GRIN2A: variants seen among roughly 807,000 people sequenced by gnomAD.
GRIN2A encodes glutamate receptor ionotropic, NMDA 2A.
A neutral mutation model predicts 113.4 loss-of-function variants in GRIN2A; 22 were observed. The ratio of observed to expected loss-of-function variants is 0.19; its 90% CI spans 0.14 to 0.28. The LOEUF is 0.28. Ranked by LOEUF, GRIN2A falls within the 10% of genes least tolerant of loss-of-function variation. The pLI is 1.00. For synonymous variants in GRIN2A, 827 were observed against 738.4 expected (o/e 1.12, Z -1.94); for missense variants, 1,502 against 1,887.0 (o/e 0.80, Z 3.78).
At chr16:10,063,078 A>G (rs2047578479) in intron 2 of GRIN2A, among the ~76,000 whole-genome samples, 1 of 152,234 alleles carries the variant, frequency 6.6e-6, no homozygotes, top group African/African-American at 2.4e-5. Flanking sequence ...TTGCCGCAAC[A>G]TGGATGGAGC....
intron 3 of GRIN2A, among the ~76,000 whole-genome samples, chr16:9,928,286 C>T (rs1043058792): frequency 1.3e-5 from 2 of 152,124 alleles, no homozygotes; most frequent in Non-Finnish European, 2.9e-5. Flanking sequence ...CTTGCTCCCA[C>T]CTGGAAGGGA....
At chr16:10,015,252 C>CAAAAAAAAAAAAAAAAAAAAAAAAAA (rs200124835) in intron 2 of GRIN2A, among the ~76,000 whole-genome samples, 11 of 19,302 alleles carry the variant, frequency 5.7e-4, no homozygotes, top group African/African-American at 1.1e-3. Context: ...GACTTCATCT[C>CAAAAAAAAAAAAAAAAAAAAAAAAAA]AAAAAAAAAA....
intron 2 of GRIN2A, among the ~76,000 whole-genome samples, chr16:10,037,733 C>T (rs144561028): frequency 1.8e-4 from 27 of 152,220 alleles, no homozygotes; most frequent in Non-Finnish European, 2.8e-4. Context: ...TCAGGTGATC[C>T]TCCCACCTCA....
intron 2 of GRIN2A, among the ~76,000 whole-genome samples, chr16:9,964,795 T>G (rs1408528505): frequency 1.3e-5 from 2 of 152,166 alleles, no homozygotes; most frequent in Non-Finnish European, 2.9e-5. Context: ...ATCATCCGAA[T>G]CTCAAGGTAC....
At position 9,946,729 on chromosome 16, in the gene GRIN2A, A is replaced by G. The variant is rs112190518; in HGVS notation, c.415-8178T>C. Among the ~76,000 whole-genome samples the G allele has an allele frequency of 8.4e-3, 1,281 of 152,314 alleles. 9 individuals carry two copies. The highest frequency in any genetic ancestry group is 0.03 in the African/African-American group (1,240 of 41,552). ...TTCTGGATTTATGAAGAAAGGGACT[A>G]GGAAAAGACAGCTTCTTTTACTGTT... On this transcript the variant is annotated intron_variant, in intron 2 of 12. Transcript: ENST00000330684.
intron 10 of GRIN2A, 70 bp downstream of exon 10, chr16:9,822,194 T>TA: frequency 6.8e-7 from 1 of 1,479,784 alleles, no homozygotes; most frequent in Non-Finnish European, 9.5e-7. Flanking sequence ...AACTGAGGCA[T>TA]GCCGAGAGTC....
intron 7 of GRIN2A, among the ~76,000 whole-genome samples, chr16:9,836,755 C>G (rs1217296480): frequency 6.6e-6 from 1 of 152,242 alleles, no homozygotes; most frequent in African/African-American, 2.4e-5. Context: ...GTTAAAGCAA[C>G]ATCTATAGTG....
At chr16:9,806,508 T>A (rs2041970525) in intron 10 of GRIN2A, among the ~76,000 whole-genome samples, 1 of 152,016 alleles carries the variant, frequency 6.6e-6, no homozygotes, top group Admixed American at 6.6e-5. Context: ...TGATAATAAA[T>A]CCTGAGTGAT....
intron 2 of GRIN2A, among the ~76,000 whole-genome samples, chr16:10,092,696 G>A (rs8048025): frequency 6.6e-6 from 1 of 152,016 alleles, no homozygotes; most frequent in Non-Finnish European, 1.5e-5. Context: ...GAGCACAGAT[G>A]GGTTAAGTGA....
intron 2 of GRIN2A, among the ~76,000 whole-genome samples, chr16:10,030,714 GA>G (rs1219941206): frequency 6.6e-6 from 1 of 152,094 alleles, no homozygotes; most frequent in Non-Finnish European, 1.5e-5. Context: ...CTTCTTTGCT[GA>G]ATCTCTGCTC....
In GRIN2A at chr16:10,113,467, G is replaced by A. The variant is rs375468639; in HGVS notation, c.414+66531C>T. ...GCTCATGGCCGCCTGCCCATCATTC[G>A]TGACTCACCACCGTCCCCATATACC... On this transcript the variant is annotated intron_variant, in intron 2 of 12. Coordinates refer to ENST00000330684, the MANE Select transcript of GRIN2A (RefSeq NM_001134407.3). 1.6e-4 allele frequency among the ~76,000 whole-genome samples: 24 copies of A among 152,304 alleles called. No individual in the cohort carries two copies. The South Asian group carries it at 4.1e-3, about 26-fold the overall frequency.
chr16:9,775,785 T>A (rs1032718369), intron 11 of GRIN2A, among the ~76,000 whole-genome samples: 1 of 152,240 alleles, frequency 6.6e-6, no homozygotes, highest in African/African-American at 2.4e-5. Flanking sequence ...GTTCTTCAGT[T>A]GTTGCTCATG....
chr16:10,044,758 C>T (rs1319906048), intron 2 of GRIN2A, among the ~76,000 whole-genome samples: 5 of 151,640 alleles, frequency 3.3e-5, no homozygotes, highest in South Asian at 2.1e-4. Flanking sequence ...TCTCATCCCA[C>T]GACATTCCAA....
At chr16:9,896,114 A>G (rs980297313) in intron 3 of GRIN2A, among the ~76,000 whole-genome samples, 4 of 151,940 alleles carry the variant, frequency 2.6e-5, no homozygotes, top group Admixed American at 6.6e-5. Flanking sequence ...CAGTGGTGTA[A>G]TCTCAGCTCA....
chr16:10,004,619 C>CA (rs1217624354), intron 2 of GRIN2A, among the ~76,000 whole-genome samples: 2 of 152,156 alleles, frequency 1.3e-5, no homozygotes, highest in African/African-American at 4.8e-5. Flanking sequence ...ATTGTAATCC[C>CA]AGCATTCCTT....
At chr16:9,966,874 T>G (rs907286001) in intron 2 of GRIN2A, among the ~76,000 whole-genome samples, 1 of 152,178 alleles carries the variant, frequency 6.6e-6, no homozygotes. Flanking sequence ...TCTCAAGTGA[T>G]AGTGATGATG....
At chr16:9,992,774 G>C (rs1314250609) in intron 2 of GRIN2A, among the ~76,000 whole-genome samples, 2 of 152,200 alleles carry the variant, frequency 1.3e-5, no homozygotes, top group African/African-American at 4.8e-5. Context: ...ATCTGACACA[G>C]AGAGACAATA....
At chr16:10,089,059 C>G (rs565162229) in intron 2 of GRIN2A, among the ~76,000 whole-genome samples, 11 of 152,094 alleles carry the variant, frequency 7.2e-5, no homozygotes, top group Non-Finnish European at 1.5e-4. Context: ...AAGAACAACC[C>G]AAGAGGCCAC....
At chr16:9,872,927 T>C (rs67763423) in intron 4 of GRIN2A, among the ~76,000 whole-genome samples, 34,300 of 151,824 alleles carry the variant, frequency 0.23, 4,007 homozygotes, top group African/African-American at 0.25. Flanking sequence ...TGCCTATAGT[T>C]CCAGCTACTT....
Sources: allele counts gnomAD v4.1 joint callset (sites outside exome capture counted in the v4.1 genomes callset), GRCh38; gene constraint gnomAD v4.1.1; transcripts MANE v1.5; gene names NCBI Gene and HGNC (gene_info 2026-07-23, HGNC 2026-07-21).